The following ARID2 variants were observed in gnomAD, a reference collection of about 807,000 sequenced individuals.
ARID2 encodes the protein AT-rich interaction domain 2, also known as AT-rich interactive domain-containing protein 2.
Under a neutral mutation model 184.6 loss-of-function variants are expected in ARID2, and 32 were observed. The ratio of observed to expected loss-of-function variants is 0.17; its 90% CI spans 0.13 to 0.23. The LOEUF (loss-of-function observed/expected upper bound fraction) is 0.23. Among genes scored for constraint, ARID2 ranks in the 10% least tolerant of loss-of-function variants. The pLI is 1.00. For synonymous variants in ARID2, 836 were observed against 772.6 expected (o/e 1.08, Z -1.36); for missense variants, 1,696 against 2,197.6 (o/e 0.77, Z 4.56).
In ARID2 at chr12:45,832,600, C is replaced by G. The variant is rs1406516074; in HGVS notation, c.706-3989C>G. 6.6e-5 allele frequency among the ~76,000 whole-genome samples: 10 copies of G among 152,094 alleles called. No homozygotes were observed. In the East Asian group the frequency reaches 1.5e-3, roughly 23 times the overall value. On this transcript the variant is annotated intron_variant, in intron 6 of 20. Transcript: ENST00000334344. ...CAAGCAATCCTCCTGCCTCAGCCTC[C>G]CAAGTAGCTGGGACTATAGGCATCC...
Position 45,850,073 on chromosome 12 carries a change from T to C in ARID2, c.1950T>C (p.Phe650=), listed in dbSNP as rs777243873. The C allele has an allele frequency of 6.2e-7, 1 of 1,613,888 alleles. No individual in the cohort carries two copies. The highest frequency in any genetic ancestry group is 2.2e-5 in the East Asian group (1 of 44,870). Reference sequence around the variant, plus strand: ...GATCACAAACCATAGGAAACCATTTTCAGAGGACTCCTGTTGCCAACCAAT... The same window carrying C: ...GATCACAAACCATAGGAAACCATTTCCAGAGGACTCCTGTTGCCAACCAAT... The part of the protein sequence containing the change: ...PHGSQTIGNH[F]QRTPVANQSS... The change falls in exon 15 of 21, where the codon TTT becomes TTC. Residue 650 remains phenylalanine (F), a synonymous_variant. Coordinates refer to ENST00000334344, the MANE Select transcript of ARID2 (RefSeq NM_152641.4).
chr12:45,887,452 T>C (rs147537041), intron 16 of ARID2, among the ~76,000 whole-genome samples: 68 of 152,284 alleles, frequency 4.5e-4, no homozygotes, highest in African/African-American at 1.6e-3. Context: ...TTTATATACT[T>C]AAGTGTGGGA....
intron 3 of ARID2, among the ~76,000 whole-genome samples, chr12:45,768,968 T>G (rs1350844077): frequency 6.6e-6 from 1 of 152,056 alleles, no homozygotes; most frequent in African/African-American, 2.4e-5. Flanking sequence ...AGGCTGTGCC[T>G]CCTGAGGAGG....
intron 15 of ARID2, among the ~76,000 whole-genome samples, chr12:45,856,076 T>TTC (rs1943643424): frequency 7.9e-6 from 1 of 126,660 alleles, no homozygotes; most frequent in Non-Finnish European, 1.6e-5. Flanking sequence ...TCTTTTTTTT[T>TTC]TTTTTTTTTT....
intron 3 of ARID2, among the ~76,000 whole-genome samples, chr12:45,808,914 G>A (rs947039988): frequency 6.6e-6 from 1 of 152,116 alleles, no homozygotes; most frequent in Non-Finnish European, 1.5e-5. Context: ...ACAGGCGTGC[G>A]CCACCACATC....
chr12:45,781,876 G>A (rs1000140169), intron 3 of ARID2, among the ~76,000 whole-genome samples: 3 of 152,190 alleles, frequency 2.0e-5, no homozygotes, highest in Non-Finnish European at 2.9e-5. Flanking sequence ...AATTGGTATG[G>A]AATCCTTTTA....
intron 3 of ARID2, 76 bp downstream of exon 3, chr12:45,731,390 A>G (rs902161806): frequency 1.9e-5 from 20 of 1,041,814 alleles, no homozygotes; most frequent in Non-Finnish European, 3.0e-5. Context: ...CAAAAACAAA[A>G]GCAAACCTTG....
At chr12:45,831,921 A>T (rs1285788907) in intron 6 of ARID2, among the ~76,000 whole-genome samples, 1 of 152,102 alleles carries the variant, frequency 6.6e-6, no homozygotes, top group Non-Finnish European at 1.5e-5. Context: ...CTTTCTTATT[A>T]TGTTGTCATA....
chr12:45,833,854 T>G (rs1943165925), intron 6 of ARID2, among the ~76,000 whole-genome samples: 1 of 152,220 alleles, frequency 6.6e-6, no homozygotes, highest in Non-Finnish European at 1.5e-5. Context: ...TCTGTGTAAC[T>G]TAATACTTAG....
chr12:45,890,976 C>A (rs1338067095), intron 16 of ARID2, among the ~76,000 whole-genome samples: 1 of 151,944 alleles, frequency 6.6e-6, no homozygotes, highest in Non-Finnish European at 1.5e-5. Flanking sequence ...ACCAGCCTGG[C>A]CAACATGGTG....
At chr12:45,860,977 A>T in intron 16 of ARID2, 28 bp downstream of exon 16, 1 of 1,479,586 alleles carries the variant, frequency 6.8e-7, no homozygotes, top group Non-Finnish European at 9.0e-7. Flanking sequence ...TTGATATATA[A>T]AAGTATTCTT....
At chr12:45,897,533 T>TGC (rs1366109537) in intron 20 of ARID2, among the ~76,000 whole-genome samples, 2 of 152,346 alleles carry the variant, frequency 1.3e-5, no homozygotes, top group Admixed American at 1.3e-4. Flanking sequence ...AATGCCTAAC[T>TGC]ACTGTGTAAA....
chr12:45,862,199 TTAAA>T (rs1244806506), intron 16 of ARID2, among the ~76,000 whole-genome samples: 1 of 152,162 alleles, frequency 6.6e-6, no homozygotes, highest in Non-Finnish European at 1.5e-5. Flanking sequence ...AATGAAAAAA[TTAAA>T]TATATCATAG....
At chr12:45,813,877 A>G (rs1288072883) in intron 4 of ARID2, among the ~76,000 whole-genome samples, 3 of 152,236 alleles carry the variant, frequency 2.0e-5, no homozygotes, top group South Asian at 2.1e-4. Flanking sequence ...ATTCATTTGC[A>G]TAGGTTTTCA....
At chr12:45,843,668 G>C (rs963044176) in intron 11 of ARID2, among the ~76,000 whole-genome samples, 5 of 152,008 alleles carry the variant, frequency 3.3e-5, no homozygotes, top group Non-Finnish European at 7.4e-5. Context: ...TACTGGGTTG[G>C]GAAAATTGAA....
In ARID2 at chr12:45,877,332, C is replaced by T. The variant is rs1283791064; in HGVS notation, c.4923-14448C>T. ...TAGATCAGTGGCGGCATTGGATTCT[C>T]ATAGGAGCGCAAGCCCTGTTGTGAA... is the stretch of plus-strand genomic sequence containing the variant. On this transcript the variant is annotated intron_variant, in intron 16 of 20. Transcript: ENST00000334344. 2.6e-5 allele frequency among the ~76,000 whole-genome samples: 4 copies of T among 151,908 alleles called. 1 individual carries two copies. In the East Asian group the frequency reaches 5.8e-4, roughly 22 times the overall value.
chr12:45,738,724 G>A (rs1565577606), intron 3 of ARID2, among the ~76,000 whole-genome samples: 1 of 146,062 alleles, frequency 6.8e-6, no homozygotes, highest in African/African-American at 2.5e-5. Context: ...ATAAAAGCAA[G>A]GGAAAAAATT....
At chr12:45,873,618 A>C (rs1400934178) in intron 16 of ARID2, among the ~76,000 whole-genome samples, 1 of 152,248 alleles carries the variant, frequency 6.6e-6, no homozygotes, top group African/African-American at 2.4e-5. Context: ...CCAGATCACC[A>C]CAAGAAGGCA....
intron 3 of ARID2, among the ~76,000 whole-genome samples, chr12:45,799,861 T>TC (rs1284445222): frequency 2.0e-5 from 3 of 152,188 alleles, no homozygotes; most frequent in African/African-American, 4.8e-5. Context: ...TTCTTTTTTT[T>TC]CCCCTTCAGA....
Sources: allele counts gnomAD v4.1 joint callset (sites outside exome capture counted in the v4.1 genomes callset), GRCh38; gene constraint gnomAD v4.1.1; transcripts MANE v1.5; gene names NCBI Gene and HGNC (gene_info 2026-07-23, HGNC 2026-07-21).